NME8: variants seen among roughly 807,000 people sequenced by gnomAD.
The protein encoded by NME8 is NME/NM23 family member 8, also known as protein NME8.
Under a neutral mutation model 82.3 loss-of-function variants are expected in NME8, and 72 were observed. The observed-to-expected ratio is 0.87, with a 90% confidence interval of 0.72 to 1.06. The LOEUF (loss-of-function observed/expected upper bound fraction) is 1.06, where lower values mean the gene tolerates loss of function less well. Among genes scored for constraint, NME8 ranks in the 50% least tolerant of loss-of-function variants. NME8 has a pLI of 0.00. For missense variants in NME8, 712 were observed against 685.4 expected, an observed-to-expected ratio of 1.04 and a Z score of -0.43; for synonymous variants, 267 against 228.5, an observed-to-expected ratio of 1.17 and a Z score of -1.52.
At position 37,900,067 on chromosome 7, in the gene NME8, G is replaced by A. The variant is rs571802661; in HGVS notation, c.*16-177G>A. ...TGTTTGTTCATTAACTCATTGCTCT[G>A]TAAATGTTTGATGACTGCTTACTTG... On this transcript the variant is annotated intron_variant, in intron 17 of 17. Coordinates refer to ENST00000199447, the MANE Select transcript of NME8 (RefSeq NM_016616.5). Among the ~76,000 whole-genome samples, 42 of 152,232 alleles carry A rather than the reference G, an allele frequency of 2.8e-4. No individual in the cohort carries two copies. In the South Asian group the frequency reaches 8.5e-3, roughly 31 times the overall value.
chr7:37,883,887 A>T (rs1785001031), intron 12 of NME8, among the ~76,000 whole-genome samples: 1 of 152,158 alleles, frequency 6.6e-6, no homozygotes, highest in Non-Finnish European at 1.5e-5. Context: ...GACAAATCAA[A>T]TCATGGTTAT....
chr7:37,853,569 T>C (rs1057185130), intron 5 of NME8, among the ~76,000 whole-genome samples: 1 of 152,098 alleles, frequency 6.6e-6, no homozygotes, highest in Non-Finnish European at 1.5e-5. Context: ...ATCCTGGCAG[T>C]TGGCATTAGG....
At chr7:37,855,315 A>G (rs988918534) in intron 5 of NME8, among the ~76,000 whole-genome samples, 3 of 152,200 alleles carry the variant, frequency 2.0e-5, no homozygotes, top group Non-Finnish European at 2.9e-5. Context: ...GATTTCTTGT[A>G]CAACTGAAAG....
intron 11 of NME8, among the ~76,000 whole-genome samples, chr7:37,874,401 C>G (rs1458903592): frequency 6.6e-6 from 1 of 152,096 alleles, no homozygotes; most frequent in Non-Finnish European, 1.5e-5. Context: ...TTTTGAGGTT[C>G]TTATTTGCAG....
At chr7:37,860,765 G>T (rs1038389757) in intron 6 of NME8, among the ~76,000 whole-genome samples, 2 of 152,128 alleles carry the variant, frequency 1.3e-5, no homozygotes, top group Non-Finnish European at 2.9e-5. Flanking sequence ...TTCTCAAAAT[G>T]CATCTCACAG....
intron 6 of NME8, among the ~76,000 whole-genome samples, chr7:37,858,637 G>A (rs1784548210): frequency 1.3e-5 from 2 of 152,008 alleles, no homozygotes; most frequent in African/African-American, 4.8e-5. Context: ...AATGGGCTTG[G>A]GGGGCTCATG....
At chr7:37,893,273 T>C (rs966967047) in intron 15 of NME8, among the ~76,000 whole-genome samples, 1 of 152,170 alleles carries the variant, frequency 6.6e-6, no homozygotes, top group African/African-American at 2.4e-5. Context: ...AGTCTTCAAA[T>C]ACCTTGCTTG....
At position 37,864,475 on chromosome 7, in the gene NME8, A is replaced by G. The variant is rs1784645522; in HGVS notation, c.528+54A>G. ...ATTAATTGCAAAATAACAACCTCTT[A>G]ATCGTCAGTTCAAAGACAAGCGTAC... On this transcript the variant is annotated intron_variant, in intron 9 of 17. Transcript: ENST00000199447. The G allele has an allele frequency of 2.1e-6, 3 of 1,455,282 alleles. No homozygotes were observed. In the South Asian group the frequency reaches 3.6e-5, roughly 18 times the overall value. 90.1% of individuals were successfully genotyped at this position (1,455,282 alleles called of 1,614,324 possible). A position where few individuals can be genotyped will look rare whatever the true frequency, so the allele number is the denominator to read the frequency against.
At chr7:37,873,445 A>G (rs1459004892) in intron 11 of NME8, among the ~76,000 whole-genome samples, 2 of 152,128 alleles carry the variant, frequency 1.3e-5, no homozygotes, top group Non-Finnish European at 2.9e-5. Flanking sequence ...TAAATGTTAC[A>G]GTGTCCCAAA....
In NME8 at chr7:37,870,328, T is replaced by C. The variant is rs1784749257; in HGVS notation, c.818+2430T>C. On this transcript the variant is annotated intron_variant, in intron 11 of 17. Transcript: ENST00000199447. ...AATTTGAGCCGGGTGCGGTGGCTCA[T>C]GCTTGTAATCCCAGCACTTTGGAGG... is the stretch of plus-strand genomic sequence containing the variant. 1.3e-5 allele frequency among the ~76,000 whole-genome samples: 2 copies of C among 151,732 alleles called. 1 individual carries two copies. The highest frequency in any genetic ancestry group is 4.1e-4 in the South Asian group (2 of 4,820).
At chr7:37,869,762 G>A (rs2131953931) in intron 11 of NME8, among the ~76,000 whole-genome samples, 1 of 152,246 alleles carries the variant, frequency 6.6e-6, no homozygotes, top group East Asian at 1.9e-4. Flanking sequence ...ACAGCAGACA[G>A]CATGGGACAG....
intron 17 of NME8, among the ~76,000 whole-genome samples, chr7:37,898,546 A>G (rs958030794): frequency 1.3e-5 from 2 of 152,236 alleles, no homozygotes; most frequent in Non-Finnish European, 2.9e-5. Context: ...ATTCAAAGGA[A>G]TAAAGTATTG....
rs1212766993 is a variant in NME8 at position 37,884,294 on chromosome 7, T to C, written c.995-9T>C. ...GTTTAAAACTTATTATGTAACTGTT[T>C]TTATTTAGATGATGTTTTGCGTATT... On this transcript the variant is annotated splice_polypyrimidine_tract_variant and intron_variant, in intron 12 of 17. Transcript: ENST00000199447. 6.5e-7 allele frequency: 1 copy of C among 1,545,178 alleles called. No homozygotes were observed.
At chr7:37,859,847 C>A (rs1333952796) in intron 6 of NME8, among the ~76,000 whole-genome samples, 2 of 152,198 alleles carry the variant, frequency 1.3e-5, no homozygotes, top group African/African-American at 4.8e-5. Flanking sequence ...CATCGAATCA[C>A]TCCTGCAATC....
chr7:37,856,040 G>C (rs1253371829), intron 5 of NME8, among the ~76,000 whole-genome samples: 2 of 152,104 alleles, frequency 1.3e-5, no homozygotes, highest in African/African-American at 4.8e-5. Flanking sequence ...AGGCAAGTCA[G>C]CTCTTTCTTG....
chr7:37,864,473 T>C lies in NME8; in HGVS notation c.528+52T>C, dbSNP rs746713310. The C allele has an allele frequency of 8.2e-6, 12 of 1,457,634 alleles. No individual in the cohort carries two copies. In the South Asian group the frequency reaches 1.4e-4, roughly 18 times the overall value. 90.3% of individuals were successfully genotyped at this position (1,457,634 alleles called of 1,614,324 possible). A position where few individuals can be genotyped will look rare whatever the true frequency, so the allele number is the denominator to read the frequency against. ...AAATTAATTGCAAAATAACAACCTC[T>C]TAATCGTCAGTTCAAAGACAAGCGT... is the stretch of plus-strand genomic sequence containing the variant. On this transcript the variant is annotated intron_variant, in intron 9 of 17. Transcript: ENST00000199447.
At chr7:37,854,104 A>G (rs1784476288) in intron 5 of NME8, among the ~76,000 whole-genome samples, 1 of 151,884 alleles carries the variant, frequency 6.6e-6, no homozygotes, top group African/African-American at 2.4e-5. Flanking sequence ...CAAAAGCTTA[A>G]CTACTAATAA....
At chr7:37,881,447 C>T (rs375744421) in intron 12 of NME8, among the ~76,000 whole-genome samples, 2 of 152,132 alleles carry the variant, frequency 1.3e-5, no homozygotes, top group Admixed American at 6.5e-5. Context: ...CTATTAGTGG[C>T]GATTATGTTA....
At chr7:37,891,405 C>T (rs2598008) in intron 15 of NME8, among the ~76,000 whole-genome samples, 70,404 of 151,610 alleles carry the variant, frequency 0.46, 16,767 homozygotes, top group East Asian at 0.74. Flanking sequence ...TTTGTTGTTT[C>T]AGGTCTTACA....
Sources: gnomAD v4.1 joint callset for allele counts (sites outside exome capture counted in the v4.1 genomes callset) on GRCh38, gnomAD v4.1.1 for gene constraint, MANE v1.5 for transcripts, NCBI Gene and HGNC (gene_info 2026-07-23, HGNC 2026-07-21) for gene names.